Variants in GIPC2 observed in about 807,000 individuals in gnomAD.
The protein encoded by GIPC2 is PDZ domain-containing protein GIPC2.
In GIPC2, 30 loss-of-function variants were observed where a neutral mutation model predicts 30.6. That is an observed-to-expected ratio of 0.98 (90% CI 0.73 to 1.33). The LOEUF (loss-of-function observed/expected upper bound fraction) is 1.33. Among genes scored for constraint, GIPC2 ranks in the 40% most tolerant of loss-of-function variants. The pLI is 0.00. For missense variants in GIPC2, 414 were observed against 390.3 expected (o/e 1.06, Z -0.51); for synonymous variants, 167 against 150.0 (o/e 1.11, Z -0.83).
intron 1 of GIPC2, among the ~76,000 whole-genome samples, chr1:78,057,303 A>C (rs1274274944): frequency 6.6e-6 from 1 of 152,162 alleles, no homozygotes; most frequent in Non-Finnish European, 1.5e-5. Context: ...GGCTGGGACT[A>C]TCTGTGAGCC....
At chr1:78,084,990 G>T (rs1661900993) in intron 2 of GIPC2, among the ~76,000 whole-genome samples, 1 of 152,146 alleles carries the variant, frequency 6.6e-6, no homozygotes. Flanking sequence ...TAGGAGTGGT[G>T]AGAGAGAGCA....
intron 1 of GIPC2, among the ~76,000 whole-genome samples, chr1:78,077,345 T>C (rs1362959190): frequency 6.6e-6 from 1 of 152,240 alleles, no homozygotes; most frequent in African/African-American, 2.4e-5. Flanking sequence ...TTCTTACTTT[T>C]GTTACTGTGA....
chr1:78,080,620 A>G (rs924871196), intron 1 of GIPC2, 55 bp from the exon 2 acceptor site: 4 of 902,384 alleles, frequency 4.4e-6, no homozygotes, highest in African/African-American at 1.7e-5. Flanking sequence ...AAATAAATTA[A>G]CGGTCAGATG....
In GIPC2 at chr1:78,077,366, A is replaced by C. The variant is rs1242224860; in HGVS notation, c.241-3309A>C. The stretch of plus-strand genomic sequence containing the variant: ...CTTTTGTTACTGTGACTATTAGAAA[A>C]TTTAAAATTATTTAGCTTACATTGT... On this transcript the variant is annotated intron_variant, in intron 1 of 5. Transcript: ENST00000370759. Among the ~76,000 whole-genome samples, 4 of 152,176 alleles carry C rather than the reference A, an allele frequency of 2.6e-5. No homozygotes were observed. The South Asian group carries it at 6.2e-4, about 24-fold the overall frequency.
At chr1:78,126,725 C>T (rs1042083808) in intron 5 of GIPC2, among the ~76,000 whole-genome samples, 1 of 152,210 alleles carries the variant, frequency 6.6e-6, no homozygotes, top group African/African-American at 2.4e-5. Flanking sequence ...GCTTCAGTCT[C>T]TCCCTCATGG....
chr1:78,130,686 T>A (rs1331481656), intron 5 of GIPC2, among the ~76,000 whole-genome samples: 1 of 152,192 alleles, frequency 6.6e-6, no homozygotes, highest in East Asian at 1.9e-4. Context: ...ATTTGCCATT[T>A]TATAGATTTG....
intron 3 of GIPC2, among the ~76,000 whole-genome samples, chr1:78,107,440 C>T (rs1456406580): frequency 6.6e-6 from 1 of 152,070 alleles, no homozygotes; most frequent in Non-Finnish European, 1.5e-5. Flanking sequence ...CTACCATGCC[C>T]GGCTGACTTT....
At chr1:78,059,227 T>C (rs1029300282) in intron 1 of GIPC2, among the ~76,000 whole-genome samples, 2 of 152,240 alleles carry the variant, frequency 1.3e-5, no homozygotes, top group Non-Finnish European at 2.9e-5. Flanking sequence ...CTGTCATCCA[T>C]TGGTAGATTG....
chr1:78,057,497 A>T (rs1661318036), intron 1 of GIPC2, among the ~76,000 whole-genome samples: 1 of 152,186 alleles, frequency 6.6e-6, no homozygotes, highest in African/African-American at 2.4e-5. Context: ...TTACTGGTGG[A>T]ATTTTAATTT....
At chr1:78,045,899 G>C (rs937917046), upstream of GIPC2, 78 of 1,343,936 alleles carry the variant, frequency 5.8e-5, no homozygotes, top group Non-Finnish European at 7.2e-5. Flanking sequence ...CATCCCGGGG[G>C]AGGCTGGGCG....
chr1:78,075,841 T>C (rs773213578), intron 1 of GIPC2, among the ~76,000 whole-genome samples: 11 of 152,216 alleles, frequency 7.2e-5, no homozygotes, highest in Non-Finnish European at 8.8e-5. Flanking sequence ...TTGCAATCTG[T>C]ACACATCTGG....
intron 3 of GIPC2, among the ~76,000 whole-genome samples, chr1:78,100,945 C>A (rs374443089): frequency 6.4e-4 from 71 of 111,430 alleles, no homozygotes; most frequent in African/African-American, 2.4e-3. Flanking sequence ...AAAAAATACA[C>A]ACACACACAC....
At chr1:78,091,356 G>T in intron 2 of GIPC2, 1 of 473,792 alleles carries the variant, frequency 2.1e-6, no homozygotes. Context: ...TGATCATGGC[G>T]ACTGGACATG....
chr1:78,119,556 TCCA>T, intron 4 of GIPC2, 57 bp downstream of exon 4: 1 of 1,059,376 alleles, frequency 9.4e-7, no homozygotes, highest in Non-Finnish European at 1.4e-6. Flanking sequence ...TAGATAAAAT[TCCA>T]TTCATTCTAA....
At chr1:78,075,329 G>T (rs1271883922) in intron 1 of GIPC2, among the ~76,000 whole-genome samples, 3 of 152,086 alleles carry the variant, frequency 2.0e-5, no homozygotes, top group Non-Finnish European at 4.4e-5. Flanking sequence ...GGTAGTATGT[G>T]CCTGTGGTCC....
intron 2 of GIPC2, among the ~76,000 whole-genome samples, chr1:78,085,318 T>A (rs1458196465): frequency 6.6e-6 from 1 of 152,184 alleles, no homozygotes; most frequent in Non-Finnish European, 1.5e-5. Flanking sequence ...GATGTGCTGC[T>A]GGATTTGATT....
chr1:78,081,357 C>G (rs1661825919), intron 2 of GIPC2, among the ~76,000 whole-genome samples: 1 of 152,166 alleles, frequency 6.6e-6, no homozygotes, highest in Non-Finnish European at 1.5e-5. Flanking sequence ...AAAATGGCAT[C>G]TGTACTGAAC....
intron 1 of GIPC2, among the ~76,000 whole-genome samples, chr1:78,060,337 G>T (rs1261608826): frequency 6.6e-6 from 1 of 152,028 alleles, no homozygotes; most frequent in Non-Finnish European, 1.5e-5. Flanking sequence ...TAGAGATGGG[G>T]TTTTGCCATG....
chr1:78,096,121 T>C (rs1299454502), intron 3 of GIPC2, among the ~76,000 whole-genome samples: 2 of 152,180 alleles, frequency 1.3e-5, no homozygotes, highest in African/African-American at 4.8e-5. Context: ...GGAGGCAGTT[T>C]TCCAGAAGGT....
Sources: gnomAD v4.1 joint callset for allele counts (sites outside exome capture counted in the v4.1 genomes callset) on GRCh38, gnomAD v4.1.1 for gene constraint, MANE v1.5 for transcripts, NCBI Gene and HGNC (gene_info 2026-07-23, HGNC 2026-07-21) for gene names.